TTC7B: variants seen among roughly 807,000 people sequenced by gnomAD.
TTC7B encodes tetratricopeptide repeat protein 7B.
TTC7B carries 28 observed loss-of-function variants against 106.8 expected under a neutral mutation model. The ratio of observed to expected loss-of-function variants is 0.26; its 90% CI spans 0.19 to 0.36. TTC7B has a LOEUF of 0.36. TTC7B is among the 10% of genes least tolerant of loss of function. TTC7B has a pLI of 1.00. For synonymous variants in TTC7B, 405 were observed against 430.6 expected (o/e 0.94, Z 0.74); for missense variants, 862 against 1,076.4 (o/e 0.80, Z 2.79).
intron 17 of TTC7B, among the ~76,000 whole-genome samples, chr14:90,604,657 A>G (rs545118683): frequency 2.6e-5 from 4 of 152,348 alleles, no homozygotes; most frequent in African/African-American, 9.6e-5. Context: ...TCACAGATAT[A>G]GAGATTAAAT....
intron 5 of TTC7B, among the ~76,000 whole-genome samples, chr14:90,717,388 T>TAATTTAATGCAGG (rs903462746): frequency 6.6e-6 from 1 of 151,988 alleles, no homozygotes; most frequent in African/African-American, 2.4e-5. Flanking sequence ...CTAAACCCTG[T>TAATTTAATGCAGG]AATTTAATGC....
chr14:90,626,312 CAACCATTTACATT>C (rs1216696806), intron 15 of TTC7B, among the ~76,000 whole-genome samples: 1 of 152,154 alleles, frequency 6.6e-6, no homozygotes, highest in Non-Finnish European at 1.5e-5. Flanking sequence ...GAATTCTGAA[CAACCATTTACATT>C]AAGCCCCCAA....
At chr14:90,813,070 A>G (rs1371443925) in intron 1 of TTC7B, among the ~76,000 whole-genome samples, 1 of 151,994 alleles carries the variant, frequency 6.6e-6, no homozygotes, top group East Asian at 1.9e-4. Flanking sequence ...CCCTCGGCCT[A>G]TCAGGCCCCG....
In TTC7B at chr14:90,687,657, G is replaced by T. The variant is rs140814648; in HGVS notation, c.950+1883C>A. On this transcript the variant is annotated intron_variant, in intron 7 of 19. Transcript: ENST00000328459. The stretch of plus-strand genomic sequence containing the variant: ...GAACCCCAAACCTGCTTCACAATGA[G>T]GGGTCAGCATTTTAAAAATAAGAGC... Among the ~76,000 whole-genome samples, 107 of 152,276 alleles carry T rather than the reference G, an allele frequency of 7.0e-4. 1 individual carries two copies. The highest frequency in any genetic ancestry group is 2.6e-3 in the African/African-American group (106 of 41,536).
chr14:90,562,228 A>C (rs563932846), intron 19 of TTC7B, among the ~76,000 whole-genome samples: 7 of 152,024 alleles, frequency 4.6e-5, no homozygotes, highest in African/African-American at 1.7e-4. Context: ...TTCGTTCAGT[A>C]CCTTCCCCTC....
rs1207472629 is a variant in TTC7B at position 90,658,406 on chromosome 14, C to T, written c.1153-19G>A. On this transcript the variant is annotated intron_variant, in intron 9 of 19. Coordinates refer to ENST00000328459, the MANE Select transcript of TTC7B (RefSeq NM_001010854.2). The stretch of plus-strand genomic sequence containing the variant: ...CTAGGCACTGGTTGGGAAAGAAAAA[C>T]AAATGCAGACATCTGAGAATCACTG... 4.4e-6 allele frequency: 7 copies of T among 1,608,200 alleles called. No homozygotes were observed. The highest frequency in any genetic ancestry group is 1.3e-5 in the African/African-American group (1 of 74,954).
chr14:90,790,907 G>A (rs140723055), intron 1 of TTC7B, among the ~76,000 whole-genome samples: 35 of 152,224 alleles, frequency 2.3e-4, no homozygotes, highest in Non-Finnish European at 4.7e-4. Context: ...TGAAGGAACA[G>A]CACAACCAAA....
Position 90,593,476 on chromosome 14 carries a change from C to T in TTC7B, c.2107+10G>A, listed in dbSNP as rs148739120. On this transcript the variant is annotated intron_variant, in intron 18 of 19. Coordinates refer to ENST00000328459, the MANE Select transcript of TTC7B (RefSeq NM_001010854.2). ...GCACAGCAGCGGGTTGTGGGTGAGG[C>T]GGAGGGTACCTGCATGGAGCCAGAT... is the stretch of plus-strand genomic sequence containing the variant. The T allele has an allele frequency of 1.3e-3, 1,998 of 1,575,690 alleles. 28 individuals are homozygous for T. The African/African-American group carries it at 0.023, about 18-fold the overall frequency.
chr14:90,794,122 C>A (rs1351677720), intron 1 of TTC7B, among the ~76,000 whole-genome samples: 1 of 151,568 alleles, frequency 6.6e-6, no homozygotes, highest in South Asian at 2.1e-4. Flanking sequence ...AGGCTGGTCT[C>A]AAACTCCTGG....
At chr14:90,572,149 G>A (rs562731266) in intron 19 of TTC7B, among the ~76,000 whole-genome samples, 2 of 152,202 alleles carry the variant, frequency 1.3e-5, no homozygotes, top group African/African-American at 4.8e-5. Flanking sequence ...TTTTTCCCTC[G>A]ATTCCAGCCC....
intron 18 of TTC7B, among the ~76,000 whole-genome samples, chr14:90,580,666 TGGCCTGTGCCTGTAAA>T (rs1402212565): frequency 7.2e-5 from 11 of 152,358 alleles, no homozygotes; most frequent in Non-Finnish European, 1.6e-4. Flanking sequence ...GTCAATTCTA[TGGCCTGTGCCTGTAAA>T]GCCATCACTG....
intron 7 of TTC7B, among the ~76,000 whole-genome samples, chr14:90,689,171 T>C (rs1454445050): frequency 6.6e-6 from 1 of 152,154 alleles, no homozygotes; most frequent in Non-Finnish European, 1.5e-5. Flanking sequence ...AGAAAAGAAA[T>C]GTTAGATGGG....
chr14:90,613,454 A>G (rs1473194652), intron 16 of TTC7B, among the ~76,000 whole-genome samples: 1 of 152,196 alleles, frequency 6.6e-6, no homozygotes. Flanking sequence ...TGGATGCTTG[A>G]AGCAATTTTT....
At chr14:90,618,607 G>A (rs1007060146) in intron 15 of TTC7B, among the ~76,000 whole-genome samples, 3 of 152,184 alleles carry the variant, frequency 2.0e-5, no homozygotes, top group African/African-American at 7.2e-5. Flanking sequence ...CAATCACCTA[G>A]GTCTCTCTTC....
intron 17 of TTC7B, among the ~76,000 whole-genome samples, chr14:90,594,506 T>C (rs1341291758): frequency 6.6e-6 from 1 of 152,170 alleles, no homozygotes; most frequent in Admixed American, 6.5e-5. Flanking sequence ...GATGTGGTTT[T>C]AGAATCAAGA....
At chr14:90,770,578 A>G (rs1046660361) in intron 3 of TTC7B, among the ~76,000 whole-genome samples, 1 of 151,754 alleles carries the variant, frequency 6.6e-6, no homozygotes, top group African/African-American at 2.4e-5. Flanking sequence ...GCTTGAACCC[A>G]GGAGGCAGAG....
chr14:90,701,171 C>T (rs911252032), intron 5 of TTC7B, among the ~76,000 whole-genome samples: 6 of 152,130 alleles, frequency 3.9e-5, no homozygotes, highest in African/African-American at 1.2e-4. Flanking sequence ...CAGCCATCCA[C>T]GCCGAGATGA....
chr14:90,666,558 T>C (rs1886418663), intron 9 of TTC7B, among the ~76,000 whole-genome samples: 1 of 152,208 alleles, frequency 6.6e-6, no homozygotes, highest in Non-Finnish European at 1.5e-5. Flanking sequence ...AAAAGGCATA[T>C]TTATGGGACT....
intron 13 of TTC7B, among the ~76,000 whole-genome samples, chr14:90,651,835 T>C (rs569138476): frequency 1.2e-4 from 18 of 152,156 alleles, no homozygotes; most frequent in Non-Finnish European, 2.5e-4. Flanking sequence ...AAAAAAGGCA[T>C]ACGGACACCA....
Sources: gnomAD v4.1 joint callset for allele counts (sites outside exome capture counted in the v4.1 genomes callset) on GRCh38, gnomAD v4.1.1 for gene constraint, MANE v1.5 for transcripts, NCBI Gene and HGNC (gene_info 2026-07-23, HGNC 2026-07-21) for gene names.